The following DNAH11 variants were observed in gnomAD, a reference collection of about 807,000 sequenced individuals.
The protein encoded by DNAH11 is dynein axonemal heavy chain 11.
In DNAH11, 442 loss-of-function variants were observed where a neutral mutation model predicts 526.0. That is an observed-to-expected ratio of 0.84 (90% CI 0.78 to 0.91). DNAH11 has a LOEUF of 0.91. Ranked by LOEUF, DNAH11 falls within the 40% of genes least tolerant of loss-of-function variation. The pLI, the probability that DNAH11 is intolerant of heterozygous loss-of-function variation, is 0.00. For synonymous variants in DNAH11, 2,461 were observed against 1,935.9 expected (o/e 1.27, Z -7.12); for missense variants, 6,989 against 5,448.7 (o/e 1.28, Z -8.90).
At chr7:21,823,941 T>TG (rs1160338786) in intron 65 of DNAH11, among the ~76,000 whole-genome samples, 1 of 152,194 alleles carries the variant, frequency 6.6e-6, no homozygotes, top group Non-Finnish European at 1.5e-5. Context: ...TCTCTTTTGA[T>TG]GATGTACAAA....
intron 60 of DNAH11, among the ~76,000 whole-genome samples, chr7:21,788,811 T>G (rs1341667735): frequency 2.6e-5 from 4 of 152,242 alleles, no homozygotes; most frequent in Admixed American, 2.0e-4. Context: ...TCTAGTAATA[T>G]GAGGCGTATC....
At chr7:21,792,298 G>A (rs1788510070) in intron 61 of DNAH11, among the ~76,000 whole-genome samples, 1 of 152,184 alleles carries the variant, frequency 6.6e-6, no homozygotes, top group Non-Finnish European at 1.5e-5. Flanking sequence ...TTCAGTGTGT[G>A]TTGTATTCAG....
chr7:21,674,728 ATC>A (rs1331679741), intron 30 of DNAH11, among the ~76,000 whole-genome samples: 1 of 151,736 alleles, frequency 6.6e-6, no homozygotes, highest in East Asian at 1.9e-4. Flanking sequence ...TCCAGTCTAC[ATC>A]TCTCTCCTGA....
intron 63 of DNAH11, among the ~76,000 whole-genome samples, chr7:21,811,975 G>C (rs1205211183): frequency 6.6e-6 from 1 of 152,154 alleles, no homozygotes; most frequent in South Asian, 2.1e-4. Flanking sequence ...ACCATCATGG[G>C]GGGTGGGGAT....
intron 48 of DNAH11, among the ~76,000 whole-genome samples, chr7:21,740,764 C>T (rs773191869): frequency 6.6e-6 from 1 of 152,146 alleles, no homozygotes; most frequent in African/African-American, 2.4e-5. Context: ...TGCATCATAT[C>T]GGAATTCTAC....
chr7:21,824,297 C>G (rs1483853682), intron 65 of DNAH11, among the ~76,000 whole-genome samples: 1 of 152,150 alleles, frequency 6.6e-6, no homozygotes, highest in Non-Finnish European at 1.5e-5. Flanking sequence ...ATCCTTTAAG[C>G]TACCTTTGTG....
chr7:21,693,952 C>G (rs553177667), intron 35 of DNAH11, among the ~76,000 whole-genome samples: 53 of 152,256 alleles, frequency 3.5e-4, no homozygotes, highest in African/African-American at 1.1e-3. Flanking sequence ...AGAGAGAACA[C>G]GCGCGAGGTG....
At chr7:21,630,826 G>C (rs1288517341) in intron 25 of DNAH11, among the ~76,000 whole-genome samples, 1 of 152,112 alleles carries the variant, frequency 6.6e-6, no homozygotes, top group African/African-American at 2.4e-5. Context: ...TCTATTTGGT[G>C]TTCTCTGACC....
At chr7:21,808,557 G>A in intron 63 of DNAH11, among the ~76,000 whole-genome samples, 1 of 151,834 alleles carries the variant, frequency 6.6e-6, no homozygotes, top group East Asian at 1.9e-4. Context: ...CCTCCCTCTG[G>A]TTCTCTGGTA....
intron 37 of DNAH11, chr7:21,703,847 TTC>T (rs766509565): frequency 1.3e-5 from 2 of 152,232 alleles, no homozygotes; most frequent in Non-Finnish European, 2.9e-5. Flanking sequence ...TTGCCAATAT[TTC>T]TCTCTTTTCC....
At chr7:21,877,530 A>C (rs1000362009) in intron 74 of DNAH11, among the ~76,000 whole-genome samples, 1 of 152,236 alleles carries the variant, frequency 6.6e-6, no homozygotes, top group Admixed American at 6.5e-5. Flanking sequence ...AGTGGCTGGG[A>C]CATAAAGAAC....
Position 21,808,761 on chromosome 7 carries a change from T to C in DNAH11, c.10332+712T>C, listed in dbSNP as rs550747913. 1.1e-4 allele frequency among the ~76,000 whole-genome samples: 17 copies of C among 152,360 alleles called. No individual in the cohort carries two copies. The South Asian group carries it at 2.9e-3, about 26-fold the overall frequency. ...AGTATTCCATTGTGCATGTATATCA[T>C]GTTTTCTTTATCTGCCCATCTGTTG... is the stretch of plus-strand genomic sequence containing the variant. On this transcript the variant is annotated intron_variant, in intron 63 of 81. Transcript: ENST00000409508.
At chr7:21,879,922 TAAAAATAC>T (rs1783852490) in intron 74 of DNAH11, among the ~76,000 whole-genome samples, 2 of 151,734 alleles carry the variant, frequency 1.3e-5, no homozygotes, top group Non-Finnish European at 2.9e-5. Context: ...CCATCTCTAT[TAAAAATAC>T]AAAAATTAGC....
chr7:21,654,841 T>G (rs59247478), intron 28 of DNAH11, among the ~76,000 whole-genome samples: 1,584 of 152,314 alleles, frequency 0.01, 22 homozygotes, highest in African/African-American at 0.036. Context: ...GGTGTGAATT[T>G]ACCTACACAA....
intron 74 of DNAH11, among the ~76,000 whole-genome samples, chr7:21,877,874 C>CAAAAAAA (rs59694030): frequency 1.4e-4 from 9 of 66,608 alleles, no homozygotes; most frequent in African/African-American, 2.1e-4. Context: ...GACTCCATCT[C>CAAAAAAA]AAAAAAAAAA....
In DNAH11 at chr7:21,543,154, G is replaced by A; in HGVS notation, c.-92G>A. The stretch of plus-strand genomic sequence containing the variant: ...CTCGCGGCGACCGCGGAGGAGGGTG[G>A]GCGCCTGCGGAGGTGTCCTCGCTCA... On this transcript the variant is annotated 5_prime_UTR_variant, in exon 1 of 82. Coordinates refer to ENST00000409508, the MANE Select transcript of DNAH11 (RefSeq NM_001277115.2). 4.2e-6 allele frequency: 6 copies of A among 1,437,566 alleles called. No individual in the cohort carries two copies. Among genetic ancestry groups the A allele is most frequent in the Non-Finnish European group, 5.4e-6 (6 of 1,102,782 alleles). The allele number at this position is 1,437,566 out of a possible 1,614,324, so 89.1% of individuals were successfully genotyped here.
In DNAH11 at chr7:21,559,790, C is replaced by G; in HGVS notation, c.880C>G (p.Gln294Glu). ...RRENLSCIYD[Q>E]LQAPVVLKMV... is the part of the protein sequence containing the mutation. ...AGAAAATCTGTCATGCATTTATGATCAAGTAAGTAGATAGCCCTAGAAATT... is the reference window on the plus strand; with the variant it reads ...AGAAAATCTGTCATGCATTTATGATGAAGTAAGTAGATAGCCCTAGAAATT... The change falls in exon 4 of 82, where the codon CAA becomes GAA. Residue 294 changes from glutamine (Q) to glutamate (E), a missense_variant and splice_region_variant. Gln to Glu is a conservative substitution (Grantham distance 29). Coordinates refer to ENST00000409508, the MANE Select transcript of DNAH11 (RefSeq NM_001277115.2). The G allele has an allele frequency of 2.5e-6, 4 of 1,592,830 alleles. No individual in the cohort carries two copies. The South Asian group carries it at 3.4e-5, about 14-fold the overall frequency.
Position 21,668,733 on chromosome 7 carries a change from C to G in DNAH11, c.5328+9702C>G, listed in dbSNP as rs531944998. ...CGTGTACCACAATTTTTCTACTCAT[C>G]TTGTTACTTGACATTTGGGTTTCCA... On this transcript the variant is annotated intron_variant, in intron 30 of 81. Coordinates refer to ENST00000409508, the MANE Select transcript of DNAH11 (RefSeq NM_001277115.2). Among the ~76,000 whole-genome samples, 27 of 152,192 alleles carry G rather than the reference C, an allele frequency of 1.8e-4. 1 individual carries two copies. Among genetic ancestry groups the G allele is most frequent in the Admixed American group, 7.2e-4 (11 of 15,272 alleles).
rs35392204 is a variant in DNAH11, at chr7:21,561,447, T to TA, written c.982+289dup. On this transcript the variant is annotated intron_variant, in intron 5 of 81. Transcript: ENST00000409508. ...GAGGAGTGAGGCCTTCATTCGGAGTTAAAAAAAAAAAATAAGTCTGGATAG... is the reference window on the plus strand; with the variant it reads ...GAGGAGTGAGGCCTTCATTCGGAGTTAAAAAAAAAAAAATAAGTCTGGATAG... 0.024 allele frequency: 5,720 copies of TA among 239,220 alleles called. 59 individuals are homozygous for TA. The highest frequency in any genetic ancestry group is 0.074 in the South Asian group (688 of 9,256). The allele number at this position is 239,220 out of a possible 1,614,324, so 14.8% of individuals were successfully genotyped here.
Sources: gnomAD v4.1 joint callset for allele counts (sites outside exome capture counted in the v4.1 genomes callset) on GRCh38, gnomAD v4.1.1 for gene constraint, MANE v1.5 for transcripts, NCBI Gene and HGNC (gene_info 2026-07-23, HGNC 2026-07-21) for gene names.